SPATA17: variants seen among roughly 807,000 people sequenced by gnomAD.
SPATA17 encodes the protein spermatogenesis-associated protein 17.
A neutral mutation model predicts 62.2 loss-of-function variants in SPATA17; 53 were observed. The observed-to-expected ratio is 0.85, with a 90% CI of 0.68 to 1.07. The LOEUF is 1.07. Ranked by LOEUF, SPATA17 falls within the 50% of genes least tolerant of loss-of-function variation. The pLI, the probability that SPATA17 is intolerant of heterozygous loss-of-function variation, is 0.00. For missense variants in SPATA17, 466 were observed against 425.5 expected (o/e 1.10, Z -0.84); for synonymous variants, 146 against 146.8 (o/e 0.99, Z 0.04).
At chr1:217,830,339 T>G (rs969569414) in intron 9 of SPATA17, among the ~76,000 whole-genome samples, 21 of 152,142 alleles carry the variant, frequency 1.4e-4, no homozygotes, top group African/African-American at 5.1e-4. Context: ...AGTCAAATTC[T>G]TTTTTAAATT....
At chr1:217,650,764 A>T (rs576277084) in intron 2 of SPATA17, among the ~76,000 whole-genome samples, 3 of 152,344 alleles carry the variant, frequency 2.0e-5, no homozygotes, top group Non-Finnish European at 4.4e-5. Flanking sequence ...ATTTACATCA[A>T]TAGTGCCTGG....
chr1:217,772,942 G>A (rs900992803), intron 6 of SPATA17, among the ~76,000 whole-genome samples: 8 of 152,014 alleles, frequency 5.3e-5, no homozygotes, highest in Non-Finnish European at 7.4e-5. Flanking sequence ...GGGATAGGAC[G>A]TTGCATTTGG....
intron 6 of SPATA17, among the ~76,000 whole-genome samples, chr1:217,773,556 A>G (rs1468374606): frequency 6.6e-6 from 1 of 152,162 alleles, no homozygotes; most frequent in Non-Finnish European, 1.5e-5. Context: ...TCAAAAATAG[A>G]CACGCTAAAT....
intron 3 of SPATA17, among the ~76,000 whole-genome samples, chr1:217,663,164 G>T (rs951333087): frequency 2.6e-5 from 4 of 152,036 alleles, no homozygotes; most frequent in Admixed American, 1.3e-4. Flanking sequence ...AACTGTTCAG[G>T]ACAGGTGCAG....
intron 5 of SPATA17, 31 bp from the exon 6 acceptor site, chr1:217,741,944 T>C: frequency 6.2e-7 from 1 of 1,612,640 alleles, no homozygotes; most frequent in Non-Finnish European, 8.5e-7. Flanking sequence ...ACACATAGTA[T>C]CATAAATAAC....
intron 9 of SPATA17, among the ~76,000 whole-genome samples, chr1:217,808,730 C>A (rs917938266): frequency 6.6e-6 from 1 of 151,980 alleles, no homozygotes; most frequent in African/African-American, 2.4e-5. Flanking sequence ...TGGTGCACAC[C>A]TGTAGCCCCA....
At chr1:217,678,416 G>T (rs1369476809) in intron 4 of SPATA17, among the ~76,000 whole-genome samples, 2 of 151,584 alleles carry the variant, frequency 1.3e-5, no homozygotes, top group Admixed American at 6.6e-5. Flanking sequence ...CACCATGTTG[G>T]CCAGGCTGGT....
intron 8 of SPATA17, among the ~76,000 whole-genome samples, chr1:217,787,810 T>C (rs1673905739): frequency 6.6e-6 from 1 of 152,180 alleles, no homozygotes; most frequent in Non-Finnish European, 1.5e-5. Context: ...CAGGAATTTT[T>C]GGTTACATGT....
At chr1:217,721,046 C>T (rs540295636) in intron 5 of SPATA17, among the ~76,000 whole-genome samples, 1 of 152,266 alleles carries the variant, frequency 6.6e-6, no homozygotes, top group East Asian at 1.9e-4. Context: ...TTAGCCATGA[C>T]ATATTTATAG....
chr1:217,718,743 T>A (rs1672061833), intron 5 of SPATA17, among the ~76,000 whole-genome samples: 1 of 152,100 alleles, frequency 6.6e-6, no homozygotes, highest in Non-Finnish European at 1.5e-5. Flanking sequence ...TCTTATTATG[T>A]TTAAAGAATA....
At chr1:217,828,125 G>A (rs539009271) in intron 9 of SPATA17, among the ~76,000 whole-genome samples, 1 of 152,052 alleles carries the variant, frequency 6.6e-6, no homozygotes, top group African/African-American at 2.4e-5. Flanking sequence ...AATATTCAAG[G>A]CAGTATGAAT....
chr1:217,698,278 A>G (rs1016206693), intron 5 of SPATA17, among the ~76,000 whole-genome samples: 1 of 152,126 alleles, frequency 6.6e-6, no homozygotes, highest in Non-Finnish European at 1.5e-5. Flanking sequence ...TACTAAAAAT[A>G]CAAAAATTAG....
chr1:217,832,539 T>C (rs546337066), intron 9 of SPATA17, among the ~76,000 whole-genome samples: 2 of 152,250 alleles, frequency 1.3e-5, no homozygotes, highest in South Asian at 4.1e-4. Context: ...ATGATGAAAA[T>C]CATCACAGAA....
rs34123629 is a variant in SPATA17 at position 217,868,664 on chromosome 1, G to GTTTTTTTTTTTTT, written c.*1659_*1671dup. On this transcript the variant is annotated 3_prime_UTR_variant, in exon 11 of 11. Transcript: ENST00000366933. ...TAAACCAGAAAGTATCTGAGACAAT[G>GTTTTTTTTTTTTT]TTTTTTTTTTTTTTTTTTTTTTTTT... 1 of 88,238 alleles carries GTTTTTTTTTTTTT rather than the reference G, an allele frequency of 1.1e-5. No homozygotes were observed. The highest frequency in any genetic ancestry group is 2.1e-5 in the Non-Finnish European group (1 of 48,312). The allele number at this position is 88,238 out of a possible 1,614,324, so 5.5% of individuals were successfully genotyped here. A position where few individuals can be genotyped will look rare whatever the true frequency, so the allele number is the denominator to read the frequency against.
At chr1:217,752,880 T>A (rs1672948963) in intron 6 of SPATA17, among the ~76,000 whole-genome samples, 1 of 152,172 alleles carries the variant, frequency 6.6e-6, no homozygotes, top group Non-Finnish European at 1.5e-5. Flanking sequence ...CGGTGGGTGG[T>A]AGGAATATTC....
intron 6 of SPATA17, among the ~76,000 whole-genome samples, chr1:217,766,061 TG>T (rs1673293078): frequency 1.3e-5 from 2 of 152,112 alleles, no homozygotes; most frequent in South Asian, 4.1e-4. Context: ...ATATTTGAAG[TG>T]GGTTTCTTTT....
intron 5 of SPATA17, among the ~76,000 whole-genome samples, chr1:217,687,605 C>T (rs1671246537): frequency 6.6e-6 from 1 of 152,116 alleles, no homozygotes; most frequent in Non-Finnish European, 1.5e-5. Context: ...GGTACAGCAT[C>T]ATGCTGTACA....
chr1:217,763,802 G>A (rs566310816), intron 6 of SPATA17, among the ~76,000 whole-genome samples: 3 of 152,234 alleles, frequency 2.0e-5, no homozygotes, highest in East Asian at 1.9e-4. Context: ...TCGTTAGTGG[G>A]TTGGATATAT....
chr1:217,743,170 C>G (rs1336135100), intron 6 of SPATA17, among the ~76,000 whole-genome samples: 1 of 151,910 alleles, frequency 6.6e-6, no homozygotes, highest in East Asian at 1.9e-4. Flanking sequence ...AGATACAAAG[C>G]TAGTAGAAAT....
Sources: gnomAD v4.1 joint callset for allele counts (sites outside exome capture counted in the v4.1 genomes callset) on GRCh38, gnomAD v4.1.1 for gene constraint, MANE v1.5 for transcripts, NCBI Gene and HGNC (gene_info 2026-07-23, HGNC 2026-07-21) for gene names.